Variants in PAXX observed in about 807,000 individuals in gnomAD.
The protein encoded by PAXX is PAXX non-homologous end joining factor, also known as protein PAXX.
Under a neutral mutation model 25.6 loss-of-function variants are expected in PAXX, and 27 were observed. That is an observed-to-expected ratio of 1.06 (90% CI 0.78 to 1.46). PAXX has a LOEUF of 1.46. PAXX is among the 40% of genes most tolerant of loss of function. PAXX has a pLI of 0.00. For synonymous variants in PAXX, 126 were observed against 125.7 expected, an observed-to-expected ratio of 1.00 and a Z score of -0.02; for missense variants, 295 against 280.2, an observed-to-expected ratio of 1.05 and a Z score of -0.38.
chr9:136,993,585 G>GAT lies in PAXX; in HGVS notation c.497_498dup (p.Pro167IlefsTer60). 3 of 1,613,922 alleles carry GAT rather than the reference G, an allele frequency of 1.9e-6. No homozygotes were observed. Among genetic ancestry groups the GAT allele is most frequent in the Non-Finnish European group, 2.5e-6 (3 of 1,179,988 alleles). ...CCTGTCCTGTTTTCCCCCAGACCCA[G>GAT]ATCCCCAGAGAGGTGGCCCTGGACC... On this transcript the variant is annotated frameshift_variant, in exon 6 of 7. Transcript: ENST00000371620. LOFTEE classifies it high-confidence loss of function.
intron 6 of PAXX, 46 bp downstream of exon 6, chr9:136,993,710 A>T: frequency 6.2e-7 from 1 of 1,612,860 alleles, no homozygotes; most frequent in Non-Finnish European, 8.5e-7. Context: ...CCAATCCTGG[A>T]CCCCACCCCT....
rs749821805 is a variant in PAXX at position 136,993,800 on chromosome 9, A to T, written c.610A>T (p.Thr204Ser). 22 of 1,613,588 alleles carry T rather than the reference A, an allele frequency of 1.4e-5. No individual in the cohort carries two copies. The highest frequency in any genetic ancestry group is 1.9e-5 in the Non-Finnish European group (22 of 1,179,978). The change falls in exon 7 of 7, where the codon ACC (threonine) becomes TCC (serine). Residue 204 changes from threonine (T) to serine (S), a missense_variant. Coordinates refer to ENST00000371620, the MANE Select transcript of PAXX (RefSeq NM_183241.3). Reference sequence around the variant, plus strand: ...AGCTGGTGGCGTGGACTTCGATGAGACCTGAAGGTGCAGCACAAGCGTGGC... The same window carrying T: ...AGCTGGTGGCGTGGACTTCGATGAGTCCTGAAGGTGCAGCACAAGCGTGGC... ...KPAGGVDFDE[T>S]
chr9:136,992,569 GGGGGTCCGC>G lies in PAXX; in HGVS notation c.119+12_119+20del. 2 of 1,507,320 alleles carry G rather than the reference GGGGGTCCGC, an allele frequency of 1.3e-6. No homozygotes were observed. The highest frequency in any genetic ancestry group is 1.8e-6 in the Non-Finnish European group (2 of 1,123,480). The allele number at this position is 1,507,320 out of a possible 1,614,324, so 93.4% of individuals were successfully genotyped here. On this transcript the variant is annotated splice_region_variant and intron_variant, in intron 1 of 6. Transcript: ENST00000371620. ...GCGGCGGCTTCAACCTCTAGTGAGT[GGGGGTCCGC>G]GGGGAGGTAGGGGTGCAGGGAGCTC...
chr9:136,993,279 G>T (rs371701132), intron 4 of PAXX, 36 bp downstream of exon 4: 71 of 1,567,342 alleles, frequency 4.5e-5, no homozygotes, highest in Non-Finnish European at 5.7e-5. Flanking sequence ...ACCTTCACTG[G>T]GGTCCCCTGC....
chr9:136,993,915 G>C lies in PAXX; in HGVS notation c.*110G>C. The C allele has an allele frequency of 9.1e-7, 1 of 1,093,276 alleles. No individual in the cohort carries two copies. Among genetic ancestry groups the C allele is most frequent in the Non-Finnish European group, 1.3e-6 (1 of 741,336 alleles). The allele number at this position is 1,093,276 out of a possible 1,614,324, so 67.7% of individuals were successfully genotyped here. ...CACCACCTCCACCTGCCTGTCCTGG[G>C]CCAGGACTAACACGGCTCCTCAAAT... On this transcript the variant is annotated 3_prime_UTR_variant, in exon 7 of 7. Coordinates refer to ENST00000371620, the MANE Select transcript of PAXX (RefSeq NM_183241.3).
At position 136,993,906 on chromosome 9, in the gene PAXX, C is replaced by T; in HGVS notation, c.*101C>T. ...ACCCCCCGCCACCACCTCCACCTGC[C>T]TGTCCTGGGCCAGGACTAACACGGC... On this transcript the variant is annotated 3_prime_UTR_variant, in exon 7 of 7. Transcript: ENST00000371620. 8.4e-7 allele frequency: 1 copy of T among 1,186,528 alleles called. No homozygotes were observed. Among genetic ancestry groups the T allele is most frequent in the South Asian group, 1.3e-5 (1 of 77,942 alleles). 73.5% of individuals were successfully genotyped at this position (1,186,528 alleles called of 1,614,324 possible).
chr9:136,993,844 A>T lies in PAXX; in HGVS notation c.*39A>T, dbSNP rs1215920752. 2 of 1,608,324 alleles carry T rather than the reference A, an allele frequency of 1.2e-6. No individual in the cohort carries two copies. Among genetic ancestry groups the T allele is most frequent in the Non-Finnish European group, 1.7e-6 (2 of 1,178,626 alleles). ...GCGTGGCCCCGCGGGGAGTCCGCCTATGAGGGGAGAGGCAGTCTTTGAGGC... is the reference window on the plus strand; with the variant it reads ...GCGTGGCCCCGCGGGGAGTCCGCCTTTGAGGGGAGAGGCAGTCTTTGAGGC... On this transcript the variant is annotated 3_prime_UTR_variant, in exon 7 of 7. Coordinates refer to ENST00000371620, the MANE Select transcript of PAXX (RefSeq NM_183241.3).
At position 136,993,231 on chromosome 9, in the gene PAXX, C is replaced by T. The variant is rs1564201462; in HGVS notation, c.409C>T (p.Arg137Trp). ...GLAKRVWSLERRLAAAEETAV... is the reference protein window; with the variant it reads ...GLAKRVWSLEWRLAAAEETAV... Reference sequence around the variant, plus strand: ...GGCAAAACGCGTGTGGAGCCTGGAGCGGCGACTGGCAGGTAGGATTGGGGG... The same window carrying T: ...GGCAAAACGCGTGTGGAGCCTGGAGTGGCGACTGGCAGGTAGGATTGGGGG... The change falls in exon 4 of 7, where the codon CGG becomes TGG. Residue 137 changes from arginine (R) to tryptophan (W), a missense_variant. Coordinates refer to ENST00000371620, the MANE Select transcript of PAXX (RefSeq NM_183241.3). 3.3e-6 allele frequency: 5 copies of T among 1,537,748 alleles called. No individual in the cohort carries two copies. Among genetic ancestry groups the T allele is most frequent in the Middle Eastern group, 1.8e-4 (1 of 5,684 alleles).
chr9:136,993,083 G>C lies in PAXX; in HGVS notation c.261G>C (p.Leu87=), dbSNP rs755256223. Residue 87 remains leucine (L), a synonymous_variant, in exon 4 of 7, where the codon CTG becomes CTC. Coordinates refer to ENST00000371620, the MANE Select transcript of PAXX (RefSeq NM_183241.3). The stretch of plus-strand genomic sequence containing the variant: ...CCTGTGAGCAGCAAGCTGTGGCTCT[G>C]ACTCTGCAGGAGGACAGAGCATCCC... ...RAACEQQAVA[L]TLQEDRASLT... The C allele has an allele frequency of 3.7e-5, 60 of 1,611,064 alleles. No homozygotes were observed. The highest frequency in any genetic ancestry group is 8.5e-7 in the Non-Finnish European group (1 of 1,179,446).
intron 3 of PAXX, 36 bp from the exon 4 acceptor site, chr9:136,993,017 G>C: frequency 6.2e-7 from 1 of 1,613,016 alleles, no homozygotes. Context: ...GGAGGAGGAG[G>C]GTCTGCCACA....
chr9:136,993,229 A>C lies in PAXX; in HGVS notation c.407A>C (p.Glu136Ala). ...LGLAKRVWSL[E>A]RRLAAAEETA... ...CTGGCAAAACGCGTGTGGAGCCTGG[A>C]GCGGCGACTGGCAGGTAGGATTGGG... The change falls in exon 4 of 7, where the codon GAG (glutamate) becomes GCG (alanine). Residue 136 changes from glutamate (E) to alanine (A), a missense_variant. Transcript: ENST00000371620. 1 of 1,538,704 alleles carries C rather than the reference A, an allele frequency of 6.5e-7. No homozygotes were observed. Among genetic ancestry groups the C allele is most frequent in the Non-Finnish European group, 8.7e-7 (1 of 1,147,570 alleles).
At position 136,992,640 on chromosome 9, in the gene PAXX, C is replaced by A. The variant is rs1830602489; in HGVS notation, c.120C>A (p.Tyr40Ter). 1.3e-6 allele frequency: 2 copies of A among 1,541,878 alleles called. No individual in the cohort carries two copies. The highest frequency in any genetic ancestry group is 1.7e-6 in the Non-Finnish European group (2 of 1,146,642). The change falls in exon 2 of 7, where the codon TAC becomes TAA. Residue 40 changes from tyrosine to a stop codon, truncating the protein, a stop_gained and splice_region_variant. Transcript: ENST00000371620. LOFTEE classifies it high-confidence loss of function. ...GEGDRGGFNL[Y>*]VTDAAELWST... ...CCGCCTGACAGGCCTTCTCCCCCAG[C>A]GTGACCGACGCCGCGGAGCTTTGGA...
chr9:136,993,175 C>G lies in PAXX; in HGVS notation c.353C>G (p.Ala118Gly), dbSNP rs909484435. 1.9e-6 allele frequency: 3 copies of G among 1,553,652 alleles called. No individual in the cohort carries two copies. The African/African-American group carries it at 4.1e-5, about 21-fold the overall frequency. Residue 118 changes from alanine (A) to glycine (G), a missense_variant, in exon 4 of 7, where the codon GCC (alanine) becomes GGC (glycine). By Grantham distance (60) the Ala-to-Gly change is moderately conservative. Transcript: ENST00000371620. The stretch of plus-strand genomic sequence containing the variant: ...TCCAAGGTACCAGGCCCAGAGGCAG[C>G]CCCCAGGCTGCGGGCGCTGACACTG... ...DLSKVPGPEAAPRLRALTLGL... is the reference protein window; with the variant it reads ...DLSKVPGPEAGPRLRALTLGL...
At position 136,992,473 on chromosome 9, in the gene PAXX, G is replaced by C. The variant is rs1830597523; in HGVS notation, c.30G>C (p.Thr10=). The change falls in exon 1 of 7, where the codon ACG becomes ACC. Residue 10 remains threonine, a synonymous_variant. Transcript: ENST00000371620. MDPLSPPLC[T]LPPGPEPPRF... ...ATCCGCTGTCGCCGCCGCTCTGCACGCTGCCGCCGGGCCCCGAGCCGCCCC... is the reference window on the plus strand; with the variant it reads ...ATCCGCTGTCGCCGCCGCTCTGCACCCTGCCGCCGGGCCCCGAGCCGCCCC... 2.2e-6 allele frequency: 3 copies of C among 1,376,776 alleles called. No individual in the cohort carries two copies. Among genetic ancestry groups the C allele is most frequent in the Non-Finnish European group, 9.4e-7 (1 of 1,059,860 alleles). The allele number at this position is 1,376,776 out of a possible 1,614,324, so 85.3% of individuals were successfully genotyped here. A position where few individuals can be genotyped will look rare whatever the true frequency, so the allele number is the denominator to read the frequency against.
rs369428394 is a variant in PAXX, at chr9:136,993,035, G to T, written c.231-18G>T. 3.7e-6 allele frequency: 6 copies of T among 1,612,610 alleles called. No individual in the cohort carries two copies. Among genetic ancestry groups the T allele is most frequent in the Non-Finnish European group, 5.1e-6 (6 of 1,179,960 alleles). On this transcript the variant is annotated intron_variant, in intron 3 of 6. Coordinates refer to ENST00000371620, the MANE Select transcript of PAXX (RefSeq NM_183241.3). ...GGAGGAGGGTCTGCCACAGCTCTCC[G>T]CACCTCTCCTCTCCCAGGGCAGCCT...
At position 136,993,227 on chromosome 9, in the gene PAXX, GGA is replaced by G; in HGVS notation, c.407_408del (p.Glu136AlafsTer57). 1 of 1,539,240 alleles carries G rather than the reference GGA, an allele frequency of 6.5e-7. No homozygotes were observed. Among genetic ancestry groups the G allele is most frequent in the Non-Finnish European group, 8.7e-7 (1 of 1,147,918 alleles). On this transcript the variant is annotated frameshift_variant, in exon 4 of 7. Transcript: ENST00000371620. LOFTEE classifies it high-confidence loss of function. ...GCCTGGCAAAACGCGTGTGGAGCCT[GGA>G]GCGGCGACTGGCAGGTAGGATTGGG... is the stretch of plus-strand genomic sequence containing the variant. ...LGLAKRVWSLERRLAAAEETA... is the reference protein window; with the variant it reads ...LGLAKRVWSLXRRLAAAEETA...
intron 2 of PAXX, 57 bp downstream of exon 2, chr9:136,992,757 C>G (rs1830606045): frequency 3.2e-6 from 5 of 1,556,180 alleles, no homozygotes; most frequent in Non-Finnish European, 4.3e-6. Flanking sequence ...TGCAGATCGT[C>G]TATGGGGCGA....
chr9:136,993,905 C>A lies in PAXX; in HGVS notation c.*100C>A. ...GACCCCCCGCCACCACCTCCACCTG[C>A]CTGTCCTGGGCCAGGACTAACACGG... On this transcript the variant is annotated 3_prime_UTR_variant, in exon 7 of 7. Coordinates refer to ENST00000371620, the MANE Select transcript of PAXX (RefSeq NM_183241.3). 2 of 1,211,808 alleles carry A rather than the reference C, an allele frequency of 1.7e-6. No individual in the cohort carries two copies. The highest frequency in any genetic ancestry group is 2.4e-6 in the Non-Finnish European group (2 of 845,366). The allele number at this position is 1,211,808 out of a possible 1,614,324, so 75.1% of individuals were successfully genotyped here. A position where few individuals can be genotyped will look rare whatever the true frequency, so the allele number is the denominator to read the frequency against.
rs1306247192 is a variant in PAXX, at chr9:136,993,370, G to T, written c.449G>T (p.Arg150Met). ...GCAGAAGAGACAGCTGTCAGCCCGA[G>T]GAAGAGCCCCCGGCCTGCAGGGCCT... ...AAAEETAVSP[R>M]KSPRPAGPQL... The change falls in exon 5 of 7, where the codon AGG (arginine) becomes ATG (methionine). Residue 150 changes from arginine to methionine, a missense_variant. Coordinates refer to ENST00000371620, the MANE Select transcript of PAXX (RefSeq NM_183241.3). The T allele has an allele frequency of 6.2e-7, 1 of 1,606,728 alleles. No individual in the cohort carries two copies. The highest frequency in any genetic ancestry group is 1.7e-5 in the Admixed American group (1 of 59,208).
Sources: allele counts gnomAD v4.1 joint callset, GRCh38; gene constraint gnomAD v4.1.1; transcripts MANE v1.5; gene names NCBI Gene and HGNC (gene_info 2026-07-23, HGNC 2026-07-21).